The following GTF2I variants were observed in gnomAD, a reference collection of about 807,000 sequenced individuals.
GTF2I encodes the protein general transcription factor IIi.
A neutral mutation model predicts 67.6 loss-of-function variants in GTF2I; 12 were observed. The observed-to-expected ratio is 0.18, with a 90% confidence interval of 0.11 to 0.29. The LOEUF is 0.29. Ranked by LOEUF, GTF2I falls within the 10% of genes least tolerant of loss-of-function variation. GTF2I has a pLI of 1.00. For missense variants in GTF2I, 271 were observed against 580.1 expected, an observed-to-expected ratio of 0.47 and a Z score of 5.47; for synonymous variants, 149 against 197.0, an observed-to-expected ratio of 0.76 and a Z score of 2.04.
intron 9 of GTF2I, among the ~76,000 whole-genome samples, chr7:74,713,354 A>G (rs966282941): frequency 3.3e-5 from 5 of 152,200 alleles, no homozygotes; most frequent in Admixed American, 2.6e-4. Flanking sequence ...ATAAGTCTCT[A>G]TAGATATGTA....
At chr7:74,720,806 G>A (rs1288803803) in intron 12 of GTF2I, among the ~76,000 whole-genome samples, 2 of 147,414 alleles carry the variant, frequency 1.4e-5, no homozygotes, top group Non-Finnish European at 3.0e-5. Flanking sequence ...GCAGTGGTGC[G>A]ATCTCGGCTC....
chr7:74,688,155 T>C (rs1297474757), intron 1 of GTF2I, among the ~76,000 whole-genome samples: 1 of 152,184 alleles, frequency 6.6e-6, no homozygotes, highest in Non-Finnish European at 1.5e-5. Flanking sequence ...CTCGGCTCAC[T>C]GCAACCTCCG....
intron 9 of GTF2I, among the ~76,000 whole-genome samples, chr7:74,714,281 T>C (rs1466688945): frequency 6.6e-6 from 1 of 152,108 alleles, no homozygotes; most frequent in Non-Finnish European, 1.5e-5. Flanking sequence ...AAGAACCTTA[T>C]TAGAAAAAGT....
chr7:74,706,473 G>A (rs1308404036), intron 8 of GTF2I, 40 bp downstream of exon 8: 3 of 1,468,998 alleles, frequency 2.0e-6, no homozygotes, highest in Non-Finnish European at 2.9e-6. Flanking sequence ...TGAAATTAAG[G>A]AAGACTTTTC....
In GTF2I at chr7:74,698,948, AT is replaced by A. The variant is rs782514745; in HGVS notation, c.239-5del. 180 of 1,227,624 alleles carry A rather than the reference AT, an allele frequency of 1.5e-4. No individual in the cohort carries two copies. The highest frequency in any genetic ancestry group is 3.7e-4 in the South Asian group (17 of 45,868). The allele number at this position is 1,227,624 out of a possible 1,614,324, so 76.0% of individuals were successfully genotyped here. A position where few individuals can be genotyped will look rare whatever the true frequency, so the allele number is the denominator to read the frequency against. The stretch of plus-strand genomic sequence containing the variant: ...TTATTATTTTTTTATTTTATTTTTT[AT>A]TTTTTTTACAGGTGTTGAAGAAGAA... On this transcript the variant is annotated splice_polypyrimidine_tract_variant and intron_variant, in intron 3 of 34. Transcript: ENST00000573035.
chr7:74,660,455 G>C (rs1284517971), intron 1 of GTF2I, among the ~76,000 whole-genome samples: 3 of 152,090 alleles, frequency 2.0e-5, no homozygotes, highest in Admixed American at 2.0e-4. Flanking sequence ...GTCTCCGAAA[G>C]TGCTGGGATT....
At chr7:74,673,680 C>G (rs1409317428) in intron 1 of GTF2I, among the ~76,000 whole-genome samples, 1 of 119,798 alleles carries the variant, frequency 8.3e-6, no homozygotes, top group Non-Finnish European at 1.8e-5. Context: ...CGCCCGGCCT[C>G]TTTTTTTTTT....
At chr7:74,688,980 A>T in intron 1 of GTF2I, 144 bp from the exon 2 acceptor site, 1 of 616,140 alleles carries the variant, frequency 1.6e-6, no homozygotes, top group South Asian at 2.0e-5. Flanking sequence ...GGGCAAGTCA[A>T]ATACTTAGTT....
Position 74,693,778 on chromosome 7 carries a change from G to A in GTF2I, c.238+2667G>A, listed in dbSNP as rs587621198. On this transcript the variant is annotated intron_variant, in intron 3 of 34. Transcript: ENST00000573035. ...GGTGAATTACTTGAACCTGGGAGGT[G>A]GAGGTTGCAGTGAGCCAAGATCGCA... is the stretch of plus-strand genomic sequence containing the variant. Among the ~76,000 whole-genome samples the A allele has an allele frequency of 1.1e-3, 163 of 152,162 alleles. 1 individual carries two copies. Among genetic ancestry groups the A allele is most frequent in the African/African-American group, 3.6e-3 (151 of 41,536 alleles).
At position 74,700,185 on chromosome 7, in the gene GTF2I, C is replaced by A. The variant is rs946241464; in HGVS notation, c.374-62C>A. The A allele has an allele frequency of 8.4e-6, 13 of 1,546,542 alleles. No homozygotes were observed. In the Middle Eastern group the frequency reaches 6.8e-4, roughly 81 times the overall value. ...CCCTTATTAAGCCACAATAAGCTAG[C>A]GATGATTTCATTTTGTAATCTTACC... On this transcript the variant is annotated intron_variant, in intron 4 of 34. Transcript: ENST00000573035.
chr7:74,659,673 C>T (rs1804294496), intron 1 of GTF2I, among the ~76,000 whole-genome samples: 1 of 152,170 alleles, frequency 6.6e-6, no homozygotes, highest in African/African-American at 2.4e-5. Flanking sequence ...GCTGGGATTA[C>T]AGGCGTGAGC....
chr7:74,702,745 T>A (rs1554400203), intron 6 of GTF2I, among the ~76,000 whole-genome samples: 1 of 151,516 alleles, frequency 6.6e-6, no homozygotes, highest in Non-Finnish European at 1.5e-5. Context: ...TTCTTTTTTT[T>A]TTTTTTGAGA....
intron 2 of GTF2I, among the ~76,000 whole-genome samples, chr7:74,690,193 C>T (rs1028102230): frequency 3.3e-5 from 5 of 151,450 alleles, no homozygotes; most frequent in African/African-American, 4.9e-5. Flanking sequence ...CCAGCCTGGG[C>T]GACAGAGTGG....
At position 74,674,864 on chromosome 7, in the gene GTF2I, A is replaced by T. The variant is rs189461408; in HGVS notation, c.-5-14260A>T. Among the ~76,000 whole-genome samples, 496 of 143,692 alleles carry T rather than the reference A, an allele frequency of 3.5e-3. 6 individuals carry two copies. Among genetic ancestry groups the T allele is most frequent in the Admixed American group, 0.014 (201 of 14,032 alleles). The allele number at this position is 143,692 out of a possible 152,430, so 94.3% of individuals were successfully genotyped here. On this transcript the variant is annotated intron_variant, in intron 1 of 34. Coordinates refer to ENST00000573035, the MANE Select transcript of GTF2I (RefSeq NM_032999.4). ...GCCCAGCCCTCTAATATATATATATATTTTTTTGAGACGGAGTTTCACTCT... is the reference window on the plus strand; with the variant it reads ...GCCCAGCCCTCTAATATATATATATTTTTTTTTGAGACGGAGTTTCACTCT...
chr7:74,670,972 G>A (rs1312448658), intron 1 of GTF2I, among the ~76,000 whole-genome samples: 2 of 151,692 alleles, frequency 1.3e-5, no homozygotes, highest in East Asian at 1.9e-4. Context: ...AGGTCTTTCC[G>A]AATAGCTGGT....
intron 1 of GTF2I, among the ~76,000 whole-genome samples, chr7:74,683,127 C>G (rs782627963): frequency 1.3e-5 from 2 of 152,072 alleles, no homozygotes; most frequent in Non-Finnish European, 2.9e-5. Context: ...TTTTCCACAT[C>G]GAAGGATACC....
At chr7:74,688,980 A>C in intron 1 of GTF2I, 144 bp from the exon 2 acceptor site, 1 of 616,140 alleles carries the variant, frequency 1.6e-6, no homozygotes, top group South Asian at 2.0e-5. Flanking sequence ...GGGCAAGTCA[A>C]ATACTTAGTT....
chr7:74,689,928 G>A (rs1175442250), intron 2 of GTF2I, among the ~76,000 whole-genome samples: 9 of 151,378 alleles, frequency 5.9e-5, no homozygotes, highest in African/African-American at 9.7e-5. Context: ...TGTTGGTCAC[G>A]CGGGTCTCGA....
chr7:74,672,606 C>T (rs1554391052), intron 1 of GTF2I, among the ~76,000 whole-genome samples: 3 of 152,016 alleles, frequency 2.0e-5, no homozygotes, highest in Non-Finnish European at 2.9e-5. Context: ...ATTTATTTTC[C>T]TTGGGAAAAT....
Sources: allele counts gnomAD v4.1 joint callset (sites outside exome capture counted in the v4.1 genomes callset), GRCh38; gene constraint gnomAD v4.1.1; transcripts MANE v1.5; gene names NCBI Gene and HGNC (gene_info 2026-07-23, HGNC 2026-07-21).